PDCD1LG2: variants seen among roughly 807,000 people sequenced by gnomAD.
PDCD1LG2 encodes the protein B7 dendritic cell molecule.
Under a neutral mutation model 28.2 loss-of-function variants are expected in PDCD1LG2, and 32 were observed. The observed-to-expected ratio is 1.13, with a 90% CI of 0.86 to 1.52. The LOEUF (loss-of-function observed/expected upper bound fraction) is 1.52, where lower values mean the gene tolerates loss of function less well. Ranked by LOEUF, PDCD1LG2 falls within the 40% of genes most tolerant of loss-of-function variation. PDCD1LG2 has a pLI of 0.00. For missense variants in PDCD1LG2, 385 were observed against 323.8 expected, an observed-to-expected ratio of 1.19 and a Z score of -1.45; for synonymous variants, 116 against 120.2, an observed-to-expected ratio of 0.97 and a Z score of 0.23.
chr9:5,532,350 GAAAT>G (rs1820499862), intron 2 of PDCD1LG2, among the ~76,000 whole-genome samples: 1 of 152,192 alleles, frequency 6.6e-6, no homozygotes, highest in Admixed American at 6.5e-5. Context: ...TCGGTCATTT[GAAAT>G]AAATCTCAAG....
chr9:5,526,693 C>A (rs1820386837), intron 2 of PDCD1LG2, among the ~76,000 whole-genome samples: 1 of 152,154 alleles, frequency 6.6e-6, no homozygotes, highest in African/African-American at 2.4e-5. Context: ...CTGCCCCAGC[C>A]TCCCAAAGCA....
rs771328492 is a variant in PDCD1LG2 at position 5,570,023 on chromosome 9, C to T, written c.*64C>T. The T allele has an allele frequency of 7.5e-6, 12 of 1,609,460 alleles. No individual in the cohort carries two copies. The highest frequency in any genetic ancestry group is 1.0e-5 in the Non-Finnish European group (12 of 1,176,030). The stretch of plus-strand genomic sequence containing the variant: ...TCTAAAGAAGCTTCTGGACTCTGAA[C>T]AAGAATTCGGTGGCCTGCAGAGCTT... On this transcript the variant is annotated 3_prime_UTR_variant, in exon 7 of 7. Coordinates refer to ENST00000397747, the MANE Select transcript of PDCD1LG2 (RefSeq NM_025239.4).
intron 3 of PDCD1LG2, among the ~76,000 whole-genome samples, chr9:5,539,834 T>A (rs754795571): frequency 6.6e-5 from 10 of 152,198 alleles, no homozygotes; most frequent in Admixed American, 3.3e-4. Flanking sequence ...GGGCTGAAGC[T>A]GACAGAAGTA....
chr9:5,540,057 G>C (rs1156818633), intron 3 of PDCD1LG2, among the ~76,000 whole-genome samples: 1 of 152,176 alleles, frequency 6.6e-6, no homozygotes, highest in East Asian at 1.9e-4. Flanking sequence ...TTAGATCACA[G>C]TGGAGTAAAA....
At position 5,549,735 on chromosome 9, in the gene PDCD1LG2, C is replaced by G. The variant is rs1027996286; in HGVS notation, c.631+131C>G. 5.2e-6 allele frequency: 6 copies of G among 1,156,730 alleles called. No individual in the cohort carries two copies. In the African/African-American group the frequency reaches 6.2e-5, roughly 12 times the overall value. 71.7% of individuals were successfully genotyped at this position (1,156,730 alleles called of 1,614,324 possible). On this transcript the variant is annotated intron_variant, in intron 4 of 6. Coordinates refer to ENST00000397747, the MANE Select transcript of PDCD1LG2 (RefSeq NM_025239.4). ...AAGGTGTGATCACCATTTGGAGAAA[C>G]TACAAAGGATAGTGCAGAACACTGG...
chr9:5,567,765 A>G (rs1816693524), intron 6 of PDCD1LG2, among the ~76,000 whole-genome samples: 1 of 152,230 alleles, frequency 6.6e-6, no homozygotes, highest in African/African-American at 2.4e-5. Context: ...AGACCCTGTC[A>G]GTTAGGCCAT....
At chr9:5,561,961 T>G (rs1259772109) in intron 5 of PDCD1LG2, among the ~76,000 whole-genome samples, 1 of 152,186 alleles carries the variant, frequency 6.6e-6, no homozygotes, top group Non-Finnish European at 1.5e-5. Context: ...ACCATTGGGC[T>G]CCTTTCAAAT....
At chr9:5,525,901 G>C (rs146486979) in intron 2 of PDCD1LG2, among the ~76,000 whole-genome samples, 2 of 152,090 alleles carry the variant, frequency 1.3e-5, no homozygotes, top group African/African-American at 4.8e-5. Context: ...ACAAAAATTA[G>C]CTGGGCATGG....
intron 3 of PDCD1LG2, among the ~76,000 whole-genome samples, chr9:5,542,410 T>C (rs1051711566): frequency 6.6e-6 from 1 of 151,560 alleles, no homozygotes; most frequent in Non-Finnish European, 1.5e-5. Flanking sequence ...ACCCACAGAG[T>C]GGGAGAAAAT....
intron 1 of PDCD1LG2, 101 bp from the exon 2 acceptor site, chr9:5,522,432 C>A: frequency 1.2e-6 from 1 of 859,910 alleles, no homozygotes; most frequent in Non-Finnish European, 1.9e-6. Context: ...CTGTCACCTT[C>A]CCCAAATGAT....
chr9:5,511,667 C>G (rs1820061722), intron 1 of PDCD1LG2, among the ~76,000 whole-genome samples: 1 of 152,200 alleles, frequency 6.6e-6, no homozygotes, highest in Non-Finnish European at 1.5e-5. Flanking sequence ...GGATGTCCTC[C>G]AAGCTCCTTT....
At chr9:5,522,220 G>A (rs1329674933) in intron 1 of PDCD1LG2, among the ~76,000 whole-genome samples, 1 of 152,212 alleles carries the variant, frequency 6.6e-6, no homozygotes, top group Non-Finnish European at 1.5e-5. Context: ...AAAAGCTATG[G>A]AAAGCTTCAT....
chr9:5,524,773 C>T lies in PDCD1LG2; in HGVS notation c.55+2172C>T, dbSNP rs974683845. 2.6e-5 allele frequency among the ~76,000 whole-genome samples: 4 copies of T among 151,766 alleles called. No individual in the cohort carries two copies. The South Asian group carries it at 8.3e-4, about 32-fold the overall frequency. ...TCAGGTTTTTGTTTTTTACAAGAAG[C>T]ATGTATTAGGTATTATTTGTATAAT... On this transcript the variant is annotated intron_variant, in intron 2 of 6. Coordinates refer to ENST00000397747, the MANE Select transcript of PDCD1LG2 (RefSeq NM_025239.4).
intron 1 of PDCD1LG2, among the ~76,000 whole-genome samples, chr9:5,521,523 TCTAAG>T (rs948696108): frequency 8.5e-5 from 13 of 152,140 alleles, no homozygotes; most frequent in African/African-American, 3.1e-4. Context: ...GCCCCTCTAC[TCTAAG>T]CTATCAGCAT....
rs547865031 is a variant in PDCD1LG2 at position 5,531,878 on chromosome 9, A to G, written c.56-2867A>G. On this transcript the variant is annotated intron_variant, in intron 2 of 6. Transcript: ENST00000397747. ...TATAGAAGAGTAAAAGTAGTAGGTAATTCTTGAACTTGGCATATGATTACT... is the reference window on the plus strand; with the variant it reads ...TATAGAAGAGTAAAAGTAGTAGGTAGTTCTTGAACTTGGCATATGATTACT... Among the ~76,000 whole-genome samples, 124 of 152,332 alleles carry G rather than the reference A, an allele frequency of 8.1e-4. 3 individuals carry two copies. The South Asian group carries it at 0.015, about 18-fold the overall frequency.
At chr9:5,546,519 A>C (rs1472129992) in intron 3 of PDCD1LG2, among the ~76,000 whole-genome samples, 4 of 152,330 alleles carry the variant, frequency 2.6e-5, no homozygotes, top group South Asian at 2.1e-4. Flanking sequence ...TTTTGGCTTC[A>C]AGGAGATTGG....
chr9:5,528,407 T>A (rs967701806), intron 2 of PDCD1LG2, among the ~76,000 whole-genome samples: 2 of 151,734 alleles, frequency 1.3e-5, no homozygotes, highest in African/African-American at 4.8e-5. Context: ...GCTCAAGCGA[T>A]TCTCCCACCT....
chr9:5,559,914 G>A (rs1407666464), intron 5 of PDCD1LG2, among the ~76,000 whole-genome samples: 2 of 152,146 alleles, frequency 1.3e-5, no homozygotes, highest in African/African-American at 4.8e-5. Flanking sequence ...CTAGTCCTCA[G>A]AGGCATGGCA....
At chr9:5,554,044 G>A (rs746718786) in intron 4 of PDCD1LG2, among the ~76,000 whole-genome samples, 3 of 152,140 alleles carry the variant, frequency 2.0e-5, no homozygotes, top group Non-Finnish European at 2.9e-5. Context: ...GTCACTCCAG[G>A]GCACAAGGGG....
Sources: allele counts gnomAD v4.1 joint callset (sites outside exome capture counted in the v4.1 genomes callset), GRCh38; gene constraint gnomAD v4.1.1; transcripts MANE v1.5; gene names NCBI Gene and HGNC (gene_info 2026-07-23, HGNC 2026-07-21).